Variants in EPS8 observed in about 807,000 individuals in gnomAD.
The protein encoded by EPS8 is epidermal growth factor receptor kinase substrate 8.
A neutral mutation model predicts 103.8 loss-of-function variants in EPS8; 42 were observed. The observed-to-expected ratio is 0.40, with a 90% CI of 0.32 to 0.52. The LOEUF is 0.52. Among genes scored for constraint, EPS8 ranks in the 20% least tolerant of loss-of-function variants. The pLI, the probability that EPS8 is intolerant of heterozygous loss-of-function variation, is 0.40. For missense variants in EPS8, 969 were observed against 1,005.1 expected (o/e 0.96, Z 0.49); for synonymous variants, 344 against 344.6 (o/e 1.00, Z 0.02).
chr12:15,677,028 A>C (rs1412995135), intron 3 of EPS8, among the ~76,000 whole-genome samples: 1 of 152,222 alleles, frequency 6.6e-6, no homozygotes, highest in Non-Finnish European at 1.5e-5. Flanking sequence ...ATGGAATATA[A>C]GTTTTAAAAT....
Position 15,750,242 on chromosome 12 carries a change from T to C in EPS8, c.-22+38919A>G, listed in dbSNP as rs145792654. Among the ~76,000 whole-genome samples the C allele has an allele frequency of 6.0e-3, 914 of 152,298 alleles. 4 individuals carry two copies. Among genetic ancestry groups the C allele is most frequent in the Admixed American group, 0.013 (198 of 15,302 alleles). On this transcript the variant is annotated intron_variant, in intron 1 of 20. Transcript: ENST00000281172. ...TGTCCCTGACAAGCAAGCTTGGCTT[T>C]ACACTACATCCTATGGCAGACATAC... is the stretch of plus-strand genomic sequence containing the variant.
At chr12:15,722,707 G>T (rs1946610341) in intron 1 of EPS8, among the ~76,000 whole-genome samples, 1 of 152,190 alleles carries the variant, frequency 6.6e-6, no homozygotes, top group South Asian at 2.1e-4. Flanking sequence ...TCAGTGTCTG[G>T]TGAGGACTTG....
At position 15,702,698 on chromosome 12, in the gene EPS8, A is replaced by G. The variant is rs1946326494; in HGVS notation, c.-21-19726T>C. Among the ~76,000 whole-genome samples, 2 of 150,188 alleles carry G rather than the reference A, an allele frequency of 1.3e-5. No individual in the cohort carries two copies. The highest frequency in any genetic ancestry group is 3.9e-4 in the East Asian group (2 of 5,190). On this transcript the variant is annotated intron_variant, in intron 1 of 20. Coordinates refer to ENST00000281172, the MANE Select transcript of EPS8 (RefSeq NM_004447.6). This position sits in a 1 kb window ranked among gnomAD's most constrained non-coding sequence, Gnocchi z 5.1. ...AAAACACATATCCAATACAATATAT[A>G]AATATGAAGAAAAAAATTGCATGCT... is the stretch of plus-strand genomic sequence containing the variant.
rs184915767 is a variant in EPS8 at position 15,694,713 on chromosome 12, C to G, written c.-21-11741G>C. On this transcript the variant is annotated intron_variant, in intron 1 of 20. Coordinates refer to ENST00000281172, the MANE Select transcript of EPS8 (RefSeq NM_004447.6). ...TTGCCTATAAAAGTAGTATGAAACT[C>G]TCTTCTTGAGAGTTTACCTGCTTAC... Among the ~76,000 whole-genome samples, 23 of 152,192 alleles carry G rather than the reference C, an allele frequency of 1.5e-4. No homozygotes were observed. In the East Asian group the frequency reaches 4.4e-3, roughly 29 times the overall value.
At chr12:15,741,442 A>C (rs1946821493) in intron 1 of EPS8, among the ~76,000 whole-genome samples, 4 of 152,120 alleles carry the variant, frequency 2.6e-5, no homozygotes, top group Non-Finnish European at 5.9e-5. Flanking sequence ...TGGCAGGATC[A>C]TTTGTAGGTT....
rs1318252535 is a variant in EPS8 at position 15,688,903 on chromosome 12, C to CGGG, written c.-21-5934_-21-5932dup. On this transcript the variant is annotated intron_variant, in intron 1 of 20. Coordinates refer to ENST00000281172, the MANE Select transcript of EPS8 (RefSeq NM_004447.6). This position sits in a 1 kb window ranked among gnomAD's most constrained non-coding sequence, Gnocchi z 5.1. ...AAGAGCACCCTGTAACACTCGCCCA[C>CGGG]GGGGGCTTCATCTGTAAACATTCAC... is the stretch of plus-strand genomic sequence containing the variant. Among the ~76,000 whole-genome samples the CGGG allele has an allele frequency of 2.0e-5, 3 of 152,158 alleles. No homozygotes were observed. Among genetic ancestry groups the CGGG allele is most frequent in the African/African-American group, 7.2e-5 (3 of 41,434 alleles).
Position 15,727,626 on chromosome 12 carries a change from G to A in EPS8, c.-21-44654C>T, listed in dbSNP as rs539353690. On this transcript the variant is annotated intron_variant, in intron 1 of 20. Transcript: ENST00000281172. This position sits in a 1 kb window ranked among gnomAD's most constrained non-coding sequence, Gnocchi z 4.3. ...TGTAATTCCAGCACCTTGGGAGGCC[G>A]AGGTGGGCGGATCACGAGGTCAGGA... Among the ~76,000 whole-genome samples, 17 of 152,288 alleles carry A rather than the reference G, an allele frequency of 1.1e-4. No individual in the cohort carries two copies. The South Asian group carries it at 2.7e-3, about 24-fold the overall frequency.
In EPS8 at chr12:15,650,834, A is replaced by G. The variant is rs776335389; in HGVS notation, c.1423T>C (p.Leu475=). Residue 475 remains leucine (L), a synonymous_variant, in exon 14 of 21, where the codon TTA becomes CTA. Coordinates refer to ENST00000281172, the MANE Select transcript of EPS8 (RefSeq NM_004447.6). ...EHQRKQEIKR[L]STEHSSVSEY... is the part of the protein sequence containing the mutation. ...AAAAAAAAAACTACCTCTGTGGATAATCTTTTTATTTCCTGTTTGCGCTGA... is the reference window on the plus strand; with the variant it reads ...AAAAAAAAAACTACCTCTGTGGATAGTCTTTTTATTTCCTGTTTGCGCTGA... The G allele has an allele frequency of 1.9e-5, 30 of 1,613,746 alleles. No individual in the cohort carries two copies. The highest frequency in any genetic ancestry group is 2.4e-5 in the Non-Finnish European group (28 of 1,179,850).
At chr12:15,668,618 C>T (rs1411805571) in intron 6 of EPS8, among the ~76,000 whole-genome samples, 1 of 152,158 alleles carries the variant, frequency 6.6e-6, no homozygotes, top group East Asian at 1.9e-4. Flanking sequence ...TTATTACTGG[C>T]TCAACTATTT....
chr12:15,678,905 C>T (rs1312649235), intron 3 of EPS8, among the ~76,000 whole-genome samples: 1 of 128,958 alleles, frequency 7.8e-6, no homozygotes, highest in Non-Finnish European at 1.6e-5. Flanking sequence ...CAGAGTGAGA[C>T]TCTGTCTCCA....
At position 15,696,079 on chromosome 12, in the gene EPS8, C is replaced by G. The variant is rs967062950; in HGVS notation, c.-21-13107G>C. Among the ~76,000 whole-genome samples the G allele has an allele frequency of 7.9e-5, 12 of 152,140 alleles. No individual in the cohort carries two copies. Among genetic ancestry groups the G allele is most frequent in the African/African-American group, 2.7e-4 (11 of 41,432 alleles). On this transcript the variant is annotated intron_variant, in intron 1 of 20. Coordinates refer to ENST00000281172, the MANE Select transcript of EPS8 (RefSeq NM_004447.6). This position sits in a 1 kb window ranked among gnomAD's most constrained non-coding sequence, Gnocchi z 4.8. The stretch of plus-strand genomic sequence containing the variant: ...CTGAAAATGTTCTCTCAGGATTTCT[C>G]TATTTAAAATCCAGGATAATTAGTC...
At chr12:15,786,464 T>C (rs972082403) in intron 1 of EPS8, among the ~76,000 whole-genome samples, 1 of 152,016 alleles carries the variant, frequency 6.6e-6, no homozygotes, top group African/African-American at 2.4e-5. Context: ...GGTAGGGTCC[T>C]GGAACAGAAA....
intron 17 of EPS8, among the ~76,000 whole-genome samples, chr12:15,635,606 T>C (rs1264353824): frequency 6.6e-6 from 1 of 152,180 alleles, no homozygotes; most frequent in Non-Finnish European, 1.5e-5. Context: ...AGCGGTTTAG[T>C]AGTCACCTGT....
At position 15,757,713 on chromosome 12, in the gene EPS8, G is replaced by A. The variant is rs1947002052; in HGVS notation, c.-22+31448C>T. Among the ~76,000 whole-genome samples, 1 of 152,156 alleles carries A rather than the reference G, an allele frequency of 6.6e-6. No homozygotes were observed. Among genetic ancestry groups the A allele is most frequent in the African/African-American group, 2.4e-5 (1 of 41,432 alleles). Reference sequence around the variant, plus strand: ...AGCCTCATCAGTAACAAGTCACACTGACATTACATGCCCCCTAATGTGATG... The same window carrying A: ...AGCCTCATCAGTAACAAGTCACACTAACATTACATGCCCCCTAATGTGATG... On this transcript the variant is annotated intron_variant, in intron 1 of 20. Coordinates refer to ENST00000281172, the MANE Select transcript of EPS8 (RefSeq NM_004447.6). The surrounding 1 kb of genome is among the most constrained non-coding windows in gnomAD (Gnocchi z 4.1).
intron 8 of EPS8, among the ~76,000 whole-genome samples, chr12:15,663,249 G>T (rs7295589): frequency 0.91 from 137,581 of 152,016 alleles, 63,141 homozygotes; most frequent in Non-Finnish European, 0.98. Flanking sequence ...CAGTGAGGGG[G>T]AGATATGGTA....
In EPS8 at chr12:15,783,448, T is replaced by C. The variant is rs187143575; in HGVS notation, c.-22+5713A>G. 3.9e-5 allele frequency among the ~76,000 whole-genome samples: 6 copies of C among 152,272 alleles called. No homozygotes were observed. In the East Asian group the frequency reaches 5.8e-4, roughly 15 times the overall value. On this transcript the variant is annotated intron_variant, in intron 1 of 20. Coordinates refer to ENST00000281172, the MANE Select transcript of EPS8 (RefSeq NM_004447.6). ...GTCAGTGAGTCTAACCGCTGCACTATTGAAGGGTCAACTGTACTTGAAAAA... is the reference window on the plus strand; with the variant it reads ...GTCAGTGAGTCTAACCGCTGCACTACTGAAGGGTCAACTGTACTTGAAAAA...
chr12:15,676,549 C>T (rs4480592), intron 3 of EPS8, among the ~76,000 whole-genome samples: 1 of 152,042 alleles, frequency 6.6e-6, no homozygotes, highest in Non-Finnish European at 1.5e-5. Flanking sequence ...GATCCTTTGT[C>T]CCCAAGAAGA....
rs1230993557 is a variant in EPS8, at chr12:15,713,765, G to A, written c.-21-30793C>T. 1.3e-5 allele frequency among the ~76,000 whole-genome samples: 2 copies of A among 152,168 alleles called. No individual in the cohort carries two copies. Among genetic ancestry groups the A allele is most frequent in the Non-Finnish European group, 2.9e-5 (2 of 68,036 alleles). On this transcript the variant is annotated intron_variant, in intron 1 of 20. Transcript: ENST00000281172. This position sits in a 1 kb window ranked among gnomAD's most constrained non-coding sequence, Gnocchi z 4.8. ...ATCCTCATAGTTAAAAAATGGTGTC[G>A]GGGAGGAGAAATTCACTCATAGTCA...
At chr12:15,622,150 T>C (rs1944871090) in intron 20 of EPS8, among the ~76,000 whole-genome samples, 1 of 152,218 alleles carries the variant, frequency 6.6e-6, no homozygotes, top group Non-Finnish European at 1.5e-5. Flanking sequence ...TTTAGGAATA[T>C]GGCATTTTCT....
Sources: allele counts gnomAD v4.1 joint callset (sites outside exome capture counted in the v4.1 genomes callset), GRCh38; gene constraint gnomAD v4.1.1; non-coding constraint Gnocchi (gnomAD v3.1); transcripts MANE v1.5; gene names NCBI Gene and HGNC (gene_info 2026-07-23, HGNC 2026-07-21).